ATP10A: variants seen among roughly 807,000 people sequenced by gnomAD.
ATP10A encodes the protein phospholipid-transporting ATPase VA.
In ATP10A, 111 loss-of-function variants were observed where a neutral mutation model predicts 147.8. The observed-to-expected ratio is 0.75, with a 90% confidence interval of 0.64 to 0.88. The LOEUF is 0.88. Among genes scored for constraint, ATP10A ranks in the 40% least tolerant of loss-of-function variants. The pLI is 0.00. For missense variants in ATP10A, 1,927 were observed against 1,959.0 expected, an observed-to-expected ratio of 0.98 and a Z score of 0.31; for synonymous variants, 875 against 841.6, an observed-to-expected ratio of 1.04 and a Z score of -0.69.
Position 25,729,877 on chromosome 15 carries a change from C to T in ATP10A, c.741-2611G>A, listed in dbSNP as rs188232751. ...TGCTCATGTCCTATCCATTGCACAC[C>T]CCAGTGCCTACCTCAGAGCCTGGCA... On this transcript the variant is annotated intron_variant, in intron 3 of 20. Coordinates refer to ENST00000555815, the MANE Select transcript of ATP10A (RefSeq NM_024490.4). Among the ~76,000 whole-genome samples, 6 of 152,276 alleles carry T rather than the reference C, an allele frequency of 3.9e-5. No homozygotes were observed. The East Asian group carries it at 5.8e-4, about 15-fold the overall frequency.
At chr15:25,774,431 G>T (rs938993562) in intron 2 of ATP10A, among the ~76,000 whole-genome samples, 1 of 152,108 alleles carries the variant, frequency 6.6e-6, no homozygotes, top group Non-Finnish European at 1.5e-5. Flanking sequence ...AAAATTAGCC[G>T]GGAGTGGTGG....
chr15:25,736,187 G>T, intron 2 of ATP10A, 46 bp from the exon 3 acceptor site: 1 of 1,542,898 alleles, frequency 6.5e-7, no homozygotes, highest in Non-Finnish European at 8.9e-7. Context: ...GGCTCAGGCT[G>T]CGCCGTTCTA....
At chr15:25,864,634 C>G (rs1893911816), upstream of ATP10A, among the ~76,000 whole-genome samples, 1 of 152,196 alleles carries the variant, frequency 6.6e-6, no homozygotes, top group Non-Finnish European at 1.5e-5. Context: ...ATAATCCCAT[C>G]CCCCAGTCAC....
At chr15:25,841,621 T>C (rs1312415966) in intron 1 of ATP10A, 1 of 151,666 alleles carries the variant, frequency 6.6e-6, no homozygotes. Context: ...TGATAGGAGT[T>C]ACGTTAAATC....
chr15:25,864,546 C>T (rs1893909856), upstream of ATP10A, among the ~76,000 whole-genome samples: 2 of 152,200 alleles, frequency 1.3e-5, no homozygotes, highest in African/African-American at 4.8e-5. Flanking sequence ...TCTTACATCT[C>T]TGCCCAGTTT....
At chr15:25,774,630 A>G (rs571407649) in intron 2 of ATP10A, among the ~76,000 whole-genome samples, 1 of 152,054 alleles carries the variant, frequency 6.6e-6, no homozygotes, top group East Asian at 1.9e-4. Flanking sequence ...CTCTCTGTAC[A>G]TGGTGATTTA....
intron 10 of ATP10A, chr15:25,709,514 T>A (rs913655705): frequency 1.3e-5 from 2 of 152,174 alleles, no homozygotes; most frequent in African/African-American, 4.8e-5. Context: ...GTACCGGGTG[T>A]GACACTGAGA....
chr15:25,763,896 C>G (rs1489937759), intron 2 of ATP10A, among the ~76,000 whole-genome samples: 5 of 152,216 alleles, frequency 3.3e-5, no homozygotes, highest in African/African-American at 4.8e-5. Flanking sequence ...GATAACCTCT[C>G]TGTGTCTTCT....
rs1318472630 is a variant in ATP10A at position 25,695,103 on chromosome 15, T to C, written c.2804A>G (p.Gln935Arg). The change falls in exon 14 of 21, where the codon CAG becomes CGG. Residue 935 changes from glutamine (Q) to arginine (R), a missense_variant. Transcript: ENST00000555815. ...ALLDQCLCYV[Q>R]SRGLQRAPEK... ...AGGGGCTCTCTGGAGGCCTCTGGACTGCACGTAGCATAGGCACTGGTCTAG... is the reference window on the plus strand; with the variant it reads ...AGGGGCTCTCTGGAGGCCTCTGGACCGCACGTAGCATAGGCACTGGTCTAG... 2 of 1,614,084 alleles carry C rather than the reference T, an allele frequency of 1.2e-6. No homozygotes were observed. The highest frequency in any genetic ancestry group is 1.7e-6 in the Non-Finnish European group (2 of 1,179,972).
At chr15:25,766,768 A>G (rs1039291648) in intron 2 of ATP10A, among the ~76,000 whole-genome samples, 1 of 152,128 alleles carries the variant, frequency 6.6e-6, no homozygotes, top group African/African-American at 2.4e-5. Context: ...CTCGGGCCTC[A>G]GCAAAACATC....
intron 1 of ATP10A, among the ~76,000 whole-genome samples, chr15:25,844,026 C>T (rs905359703): frequency 6.6e-6 from 1 of 152,148 alleles, no homozygotes; most frequent in Non-Finnish European, 1.5e-5. Context: ...GTGTTCAAGA[C>T]AAATCGAATA....
chr15:25,787,870 C>T (rs1890242586), intron 1 of ATP10A, among the ~76,000 whole-genome samples: 2 of 152,192 alleles, frequency 1.3e-5, no homozygotes, highest in Admixed American at 6.5e-5. Context: ...GGGATGAACT[C>T]CTCCCTCACT....
chr15:25,742,335 C>T (rs1887622377), intron 2 of ATP10A, among the ~76,000 whole-genome samples: 1 of 152,252 alleles, frequency 6.6e-6, no homozygotes, highest in East Asian at 1.9e-4. Flanking sequence ...TGTCTGGGTT[C>T]TGCCTTCTTT....
chr15:25,824,522 C>T (rs1892026300), intron 1 of ATP10A, among the ~76,000 whole-genome samples: 1 of 147,620 alleles, frequency 6.8e-6, no homozygotes, highest in African/African-American at 2.5e-5. Flanking sequence ...ACTCATTCCT[C>T]TTCCTTACAT....
In ATP10A at chr15:25,862,625, G is replaced by C. The variant is rs560602146; in HGVS notation, c.449+23C>G. The C allele has an allele frequency of 3.9e-6, 6 of 1,530,242 alleles. No homozygotes were observed. In the South Asian group the frequency reaches 5.0e-5, roughly 13 times the overall value. The allele number at this position is 1,530,242 out of a possible 1,614,324, so 94.8% of individuals were successfully genotyped here. A position where few individuals can be genotyped will look rare whatever the true frequency, so the allele number is the denominator to read the frequency against. ...CCCTGCCCTGCGCCACCGCGCGCTC[G>C]CTCGCCCGCCCGCCCAACTCACCTG... On this transcript the variant is annotated intron_variant, in intron 1 of 20. Transcript: ENST00000555815.
chr15:25,853,003 C>T (rs1467997257), intron 1 of ATP10A, among the ~76,000 whole-genome samples: 3 of 152,186 alleles, frequency 2.0e-5, no homozygotes, highest in Non-Finnish European at 4.4e-5. Flanking sequence ...CCTCTAGCCC[C>T]TACAAGGGCG....
intron 1 of ATP10A, among the ~76,000 whole-genome samples, chr15:25,852,643 G>A (rs960231769): frequency 6.6e-6 from 1 of 152,122 alleles, no homozygotes; most frequent in African/African-American, 2.4e-5. Context: ...TTCATATTGT[G>A]GGAAGAAAAA....
At chr15:25,800,179 G>A (rs981380195) in intron 1 of ATP10A, among the ~76,000 whole-genome samples, 8 of 152,162 alleles carry the variant, frequency 5.3e-5, no homozygotes, top group African/African-American at 1.9e-4. Context: ...AAAACAAAAG[G>A]AGTGAACAAA....
At position 25,779,845 on chromosome 15, in the gene ATP10A, A is replaced by AACACACACACACACACAC. The variant is rs56111172; in HGVS notation, c.654+1156_654+1173dup. On this transcript the variant is annotated intron_variant, in intron 2 of 20. Transcript: ENST00000555815. ...TACACTTGGCATAAAAGAAGGTTAA[A>AACACACACACACACACAC]ACACACACACACACACACACACACA... Among the ~76,000 whole-genome samples the AACACACACACACACACAC allele has an allele frequency of 1.4e-3, 213 of 147,366 alleles. 1 individual carries two copies. The highest frequency in any genetic ancestry group is 3.3e-3 in the Admixed American group (49 of 14,748).
Sources: gnomAD v4.1 joint callset for allele counts (sites outside exome capture counted in the v4.1 genomes callset) on GRCh38, gnomAD v4.1.1 for gene constraint, MANE v1.5 for transcripts, NCBI Gene and HGNC (gene_info 2026-07-23, HGNC 2026-07-21) for gene names.